Variants in RALYL observed in about 807,000 individuals in gnomAD.
The protein encoded by RALYL is RNA-binding Raly-like protein.
RALYL carries 29 observed loss-of-function variants against 35.1 expected under a neutral mutation model. The ratio of observed to expected loss-of-function variants is 0.83; its 90% confidence interval spans 0.61 to 1.13. The LOEUF is 1.13. Among genes scored for constraint, RALYL ranks in the 50% most tolerant of loss-of-function variants. The pLI, the probability that RALYL is intolerant of heterozygous loss-of-function variation, is 0.00. For missense variants in RALYL, 359 were observed against 360.4 expected (o/e 1.00, Z 0.03); for synonymous variants, 120 against 127.6 (o/e 0.94, Z 0.40).
chr8:84,870,736 T>G (rs572525634), intron 6 of RALYL, among the ~76,000 whole-genome samples: 11 of 152,038 alleles, frequency 7.2e-5, no homozygotes, highest in African/African-American at 2.6e-4. Flanking sequence ...ACATGAGAGA[T>G]AGAGGAGGTT....
At chr8:84,866,529 T>C (rs1289299715) in intron 6 of RALYL, among the ~76,000 whole-genome samples, 1 of 152,134 alleles carries the variant, frequency 6.6e-6, no homozygotes, top group African/African-American at 2.4e-5. Flanking sequence ...CAATAGTGCC[T>C]CAGCCATTTA....
chr8:84,689,787 A>C (rs185661892), intron 2 of RALYL, among the ~76,000 whole-genome samples: 2 of 152,096 alleles, frequency 1.3e-5, no homozygotes, highest in African/African-American at 4.8e-5. Context: ...GTGTGAGATG[A>C]TATCTCATTA....
intron 1 of RALYL, among the ~76,000 whole-genome samples, chr8:84,426,862 G>T (rs2046538419): frequency 6.6e-6 from 1 of 152,156 alleles, no homozygotes; most frequent in Admixed American, 6.5e-5. Context: ...TGGTGGCAAT[G>T]AAGATTGGTA....
At chr8:84,712,218 CCATGGAATCA>C (rs1448935946) in intron 2 of RALYL, among the ~76,000 whole-genome samples, 8 of 152,062 alleles carry the variant, frequency 5.3e-5, no homozygotes, top group Non-Finnish European at 1.2e-4. Flanking sequence ...ATAGATTCCT[CCATGGAATCA>C]CATGTGCATG....
intron 1 of RALYL, among the ~76,000 whole-genome samples, chr8:84,225,128 ATTC>A (rs1823543143): frequency 6.6e-6 from 1 of 152,154 alleles, no homozygotes. Context: ...GTTATCCTTA[ATTC>A]TTCTCTTTGC....
At chr8:84,290,620 G>A (rs1029225385) in intron 1 of RALYL, among the ~76,000 whole-genome samples, 3 of 152,200 alleles carry the variant, frequency 2.0e-5, no homozygotes, top group Admixed American at 6.5e-5. Context: ...CTTTTGTGGT[G>A]GAATGTCATC....
At chr8:84,428,213 A>C (rs2046753359) in intron 1 of RALYL, among the ~76,000 whole-genome samples, 1 of 152,018 alleles carries the variant, frequency 6.6e-6, no homozygotes, top group South Asian at 2.1e-4. Flanking sequence ...TATATAAACT[A>C]TTAGTTATAG....
intron 1 of RALYL, among the ~76,000 whole-genome samples, chr8:84,380,137 G>C (rs2131590164): frequency 6.6e-6 from 1 of 151,676 alleles, no homozygotes; most frequent in East Asian, 2.0e-4. Context: ...TTTCAGACCT[G>C]TGTTGGAATT....
chr8:84,641,043 C>T (rs1008716841), intron 2 of RALYL, among the ~76,000 whole-genome samples: 1 of 151,542 alleles, frequency 6.6e-6, no homozygotes, highest in Non-Finnish European at 1.5e-5. Context: ...ACATTTTCCT[C>T]TTTTCTACAT....
At chr8:84,253,176 GTTTTTTTTTTTTTT>G (rs764942491) in intron 1 of RALYL, among the ~76,000 whole-genome samples, 21 of 52,862 alleles carry the variant, frequency 4.0e-4, no homozygotes, top group South Asian at 1.3e-3. Flanking sequence ...TAGTTCTGCA[GTTTTTTTTTTTTTT>G]TTTTTTTTTT....
At chr8:84,887,894 T>G in intron 8 of RALYL, 118 bp downstream of exon 8, 1 of 868,150 alleles carries the variant, frequency 1.2e-6, no homozygotes, top group Non-Finnish European at 1.8e-6. Context: ...TATATGCATA[T>G]ATTTAAGGGA....
At chr8:84,726,328 A>G (rs2132723735) in intron 2 of RALYL, among the ~76,000 whole-genome samples, 1 of 147,130 alleles carries the variant, frequency 6.8e-6, no homozygotes, top group East Asian at 2.0e-4. Context: ...ATATAATTAT[A>G]TATAATTTTA....
chr8:84,320,721 C>T (rs1352662590), intron 1 of RALYL, among the ~76,000 whole-genome samples: 1 of 152,044 alleles, frequency 6.6e-6, no homozygotes, highest in African/African-American at 2.4e-5. Context: ...TCTATTCCCC[C>T]AATGCCTTTT....
chr8:84,705,927 A>G, intron 2 of RALYL: 3 of 1,502,598 alleles, frequency 2.0e-6, no homozygotes, highest in Non-Finnish European at 2.6e-6. Context: ...ACCTTCTGTC[A>G]GTGAGCAACA....
chr8:84,433,843 GTATA>G (rs34226254), intron 1 of RALYL, among the ~76,000 whole-genome samples: 4,814 of 135,260 alleles, frequency 0.036, 268 homozygotes, highest in African/African-American at 0.12. Flanking sequence ...ATGTGTGTGT[GTATA>G]TATATATATA....
At chr8:84,774,224 G>A (rs967372181) in intron 2 of RALYL, among the ~76,000 whole-genome samples, 1 of 151,996 alleles carries the variant, frequency 6.6e-6, no homozygotes, top group African/African-American at 2.4e-5. Flanking sequence ...GTCTTTTAGG[G>A]AAAAAAGAAA....
At chr8:84,463,122 T>A (rs971226366) in intron 1 of RALYL, among the ~76,000 whole-genome samples, 1 of 152,016 alleles carries the variant, frequency 6.6e-6, no homozygotes, top group Non-Finnish European at 1.5e-5. Flanking sequence ...TCTCATAGTT[T>A]AGCAGTTTTC....
In RALYL at chr8:84,321,348, A is replaced by G. The variant is rs140644387; in HGVS notation, c.-24+136924A>G. The stretch of plus-strand genomic sequence containing the variant: ...AAATGATATCTTGGGGCAGACTGCC[A>G]TGCTGAAATCTAGAGAGATGGGCTA... On this transcript the variant is annotated intron_variant, in intron 1 of 8. Transcript: ENST00000521268. Among the ~76,000 whole-genome samples, 1,180 of 152,238 alleles carry G rather than the reference A, an allele frequency of 7.8e-3. 20 individuals carry two copies. Among genetic ancestry groups the G allele is most frequent in the African/African-American group, 0.027 (1,135 of 41,556 alleles).
intron 1 of RALYL, among the ~76,000 whole-genome samples, chr8:84,426,695 G>A (rs995276268): frequency 8.6e-5 from 13 of 152,014 alleles, no homozygotes; most frequent in African/African-American, 3.1e-4. Context: ...CATTGAAAAT[G>A]GCCAACAGAT....
Sources: gnomAD v4.1 joint callset for allele counts (sites outside exome capture counted in the v4.1 genomes callset) on GRCh38, gnomAD v4.1.1 for gene constraint, MANE v1.5 for transcripts, NCBI Gene and HGNC (gene_info 2026-07-23, HGNC 2026-07-21) for gene names.